The following PDE4D variants were observed in gnomAD, a reference collection of about 807,000 sequenced individuals.
PDE4D encodes 3',5'-cyclic-AMP phosphodiesterase 4D.
PDE4D carries 24 observed loss-of-function variants against 87.4 expected under a neutral mutation model. The ratio of observed to expected loss-of-function variants is 0.27; its 90% CI spans 0.20 to 0.39. The LOEUF (loss-of-function observed/expected upper bound fraction) is 0.39. Among genes scored for constraint, PDE4D ranks in the 10% least tolerant of loss-of-function variants. The pLI is 1.00. For missense variants in PDE4D, 714 were observed against 1,041.0 expected (o/e 0.69, Z 4.32); for synonymous variants, 384 against 383.2 (o/e 1.00, Z -0.02).
chr5:59,685,617 G>A (rs1452868815), intron 1 of PDE4D, among the ~76,000 whole-genome samples: 1 of 152,058 alleles, frequency 6.6e-6, no homozygotes, highest in Non-Finnish European at 1.5e-5. Context: ...GCAAACAATT[G>A]TTTTTCTTTT....
chr5:59,164,437 G>A (rs1781589453), intron 5 of PDE4D, among the ~76,000 whole-genome samples: 1 of 152,140 alleles, frequency 6.6e-6, no homozygotes, highest in Admixed American at 6.5e-5. Context: ...TCAGATGCTA[G>A]GTTTCGTGCT....
At chr5:60,451,387 C>T (rs1050155020) in intron 1 of PDE4D, among the ~76,000 whole-genome samples, 3 of 152,002 alleles carry the variant, frequency 2.0e-5, no homozygotes, top group Non-Finnish European at 4.4e-5. Context: ...ATGATCATGT[C>T]TTTTTGCCCC....
intron 2 of PDE4D, among the ~76,000 whole-genome samples, chr5:59,207,879 AT>A (rs1364563882): frequency 1.3e-5 from 2 of 151,522 alleles, no homozygotes; most frequent in Non-Finnish European, 2.9e-5. Context: ...CATTTAAAAG[AT>A]TTAAAAGTGA....
At chr5:59,890,694 G>A (rs1021912237) in intron 1 of PDE4D, among the ~76,000 whole-genome samples, 1 of 152,192 alleles carries the variant, frequency 6.6e-6, no homozygotes, top group African/African-American at 2.4e-5. Context: ...TGAGGCAGGA[G>A]ACTTGGGTTT....
At chr5:59,293,124 T>C (rs950292436) in intron 1 of PDE4D, among the ~76,000 whole-genome samples, 2 of 152,192 alleles carry the variant, frequency 1.3e-5, no homozygotes, top group Admixed American at 6.5e-5. Context: ...TTCTCCTTAA[T>C]GTTTTCTCTG....
intron 1 of PDE4D, among the ~76,000 whole-genome samples, chr5:60,202,031 A>C (rs1035298409): frequency 2.0e-5 from 3 of 152,230 alleles, no homozygotes; most frequent in Non-Finnish European, 2.9e-5. Context: ...AAATATGAAA[A>C]AGGAAGCTAT....
At chr5:59,151,363 C>T (rs10064744) in intron 5 of PDE4D, among the ~76,000 whole-genome samples, 40,311 of 151,880 alleles carry the variant, frequency 0.27, 5,902 homozygotes, top group African/African-American at 0.38. Context: ...TAATATGAGT[C>T]CAAAGTACTA....
chr5:59,027,161 G>A (rs192832649), intron 6 of PDE4D, among the ~76,000 whole-genome samples: 8 of 152,266 alleles, frequency 5.3e-5, no homozygotes, highest in Non-Finnish European at 1.2e-4. Flanking sequence ...AGTTTCGAGG[G>A]TAGAATATCC....
chr5:59,348,393 G>A (rs1332973512), intron 1 of PDE4D, among the ~76,000 whole-genome samples: 1 of 152,072 alleles, frequency 6.6e-6, no homozygotes, highest in Middle Eastern at 3.4e-3. Flanking sequence ...GGGCAGGTGA[G>A]AGAATTTTTT....
At chr5:59,112,798 T>C (rs1772894106) in intron 5 of PDE4D, among the ~76,000 whole-genome samples, 1 of 126,206 alleles carries the variant, frequency 7.9e-6, no homozygotes. Flanking sequence ...TCTTCCTTTT[T>C]CTTTCTTTTT....
At chr5:59,080,865 A>G (rs879284508) in intron 5 of PDE4D, among the ~76,000 whole-genome samples, 3 of 152,230 alleles carry the variant, frequency 2.0e-5, no homozygotes, top group East Asian at 1.9e-4. Flanking sequence ...TGAAGGAGAT[A>G]GCATATATTC....
intron 1 of PDE4D, among the ~76,000 whole-genome samples, chr5:60,388,375 G>C (rs1469684181): frequency 6.6e-6 from 1 of 150,446 alleles, no homozygotes; most frequent in Admixed American, 6.6e-5. Context: ...TGGTTTTTTG[G>C]GGTTTTTTCT....
chr5:59,406,029 G>T (rs1791545668), intron 1 of PDE4D, among the ~76,000 whole-genome samples: 1 of 152,138 alleles, frequency 6.6e-6, no homozygotes, highest in Non-Finnish European at 1.5e-5. Flanking sequence ...CGGTATGAGG[G>T]TAATACTGGC....
intron 1 of PDE4D, among the ~76,000 whole-genome samples, chr5:59,559,726 T>C (rs914824316): frequency 2.6e-5 from 4 of 152,156 alleles, no homozygotes; most frequent in Non-Finnish European, 5.9e-5. Context: ...AAAAAAAATG[T>C]TTTCCTAGGA....
intron 6 of PDE4D, chr5:58,999,357 G>A (rs958265407): frequency 2.8e-6 from 1 of 360,342 alleles, no homozygotes; most frequent in Non-Finnish European, 4.9e-6. Flanking sequence ...CTATTAACAC[G>A]TATTTCTTCC....
chr5:59,149,716 T>TG (rs1423801286), intron 5 of PDE4D, among the ~76,000 whole-genome samples: 1 of 147,658 alleles, frequency 6.8e-6, no homozygotes, highest in African/African-American at 2.5e-5. Context: ...GTTTTTTTTT[T>TG]TTTTTTTTTT....
At chr5:59,800,480 T>C (rs1421732630) in intron 1 of PDE4D, among the ~76,000 whole-genome samples, 4 of 152,194 alleles carry the variant, frequency 2.6e-5, no homozygotes, top group Admixed American at 2.0e-4. Context: ...GAGTCTCAAG[T>C]GCATGTTTTG....
At chr5:59,660,028 T>C (rs1471352750) in intron 1 of PDE4D, among the ~76,000 whole-genome samples, 3 of 151,900 alleles carry the variant, frequency 2.0e-5, no homozygotes, top group African/African-American at 4.8e-5. Context: ...CTACTGAAAA[T>C]GCAAAAATTA....
intron 2 of PDE4D, among the ~76,000 whole-genome samples, chr5:60,112,768 C>CTA (rs1305029252): frequency 2.6e-5 from 4 of 152,048 alleles, no homozygotes; most frequent in African/African-American, 9.7e-5. Context: ...TAGTTCCTGG[C>CTA]TATATCCTAC....
Sources: allele counts gnomAD v4.1 joint callset (sites outside exome capture counted in the v4.1 genomes callset), GRCh38; gene constraint gnomAD v4.1.1; transcripts MANE v1.5; gene names NCBI Gene and HGNC (gene_info 2026-07-23, HGNC 2026-07-21).